MYO1A: variants seen among roughly 807,000 people sequenced by gnomAD.
The protein encoded by MYO1A is myosin IA.
In MYO1A, 127 loss-of-function variants were observed where a neutral mutation model predicts 138.5. That is an observed-to-expected ratio of 0.92 (90% CI 0.79 to 1.06). MYO1A has a LOEUF of 1.06. Ranked by LOEUF, MYO1A falls within the 50% of genes least tolerant of loss-of-function variation. MYO1A has a pLI of 0.00. For missense variants in MYO1A, 1,211 were observed against 1,288.8 expected (o/e 0.94, Z 0.92); for synonymous variants, 477 against 497.5 (o/e 0.96, Z 0.55).
At chr12:57,037,157 A>T in intron 19 of MYO1A, 66 bp from the exon 20 acceptor site, 1 of 1,590,534 alleles carries the variant, frequency 6.3e-7, no homozygotes, top group Non-Finnish European at 8.6e-7. Context: ...CCTCTCCTAT[A>T]CCCCACAGTA....
At chr12:57,044,084 C>G in intron 9 of MYO1A, 22 bp downstream of exon 9, 1 of 1,614,178 alleles carries the variant, frequency 6.2e-7, no homozygotes, top group Non-Finnish European at 8.5e-7. Flanking sequence ...GGGCCCAAGC[C>G]TGCCTCACCC....
chr12:57,036,710 C>G, intron 21 of MYO1A, 62 bp downstream of exon 21: 1 of 1,583,530 alleles, frequency 6.3e-7, no homozygotes, highest in Admixed American at 1.7e-5. Context: ...GCTGCTCTAG[C>G]CAGCAGGTGA....
chr12:57,037,418 A>G, intron 19 of MYO1A, 130 bp downstream of exon 19: 1 of 908,674 alleles, frequency 1.1e-6, no homozygotes, highest in South Asian at 1.3e-5. Context: ...GTTCCTGCAG[A>G]CAGGAAGCTT....
At chr12:57,037,219 T>G in intron 19 of MYO1A, 128 bp from the exon 20 acceptor site, 1 of 1,203,916 alleles carries the variant, frequency 8.3e-7, no homozygotes. Flanking sequence ...CTTCTTAGTT[T>G]GCTCATTTAT....
Position 57,046,886 on chromosome 12 carries a change from G to A in MYO1A, c.518C>T (p.Pro173Leu), listed in dbSNP as rs952376157. The A allele has an allele frequency of 6.2e-7, 1 of 1,614,132 alleles. No individual in the cohort carries two copies. The highest frequency in any genetic ancestry group is 8.5e-7 in the Non-Finnish European group (1 of 1,180,014). The change falls in exon 7 of 28, where the codon CCC (proline) becomes CTC (leucine). Residue 173 changes from proline (P) to leucine (L), a missense_variant. By Grantham distance (98) the Pro-to-Leu change is moderately conservative (BLOSUM62 -3). Coordinates refer to ENST00000300119, the MANE Select transcript of MYO1A (RefSeq NM_005379.4). ...ACAGTTTGTGATGACACCACCGAGGGGGGATCCCTTGAAGTCAAATTCAAT... is the reference window on the plus strand; with the variant it reads ...ACAGTTTGTGATGACACCACCGAGGAGGGATCCCTTGAAGTCAAATTCAAT... Reference protein sequence around the residue: ...MDIEFDFKGSPLGGVITNYLL... With the variant: ...MDIEFDFKGSLLGGVITNYLL...
intron 1 of MYO1A, among the ~76,000 whole-genome samples, chr12:57,049,130 A>G (rs2136462196): frequency 6.6e-6 from 1 of 152,348 alleles, no homozygotes; most frequent in African/African-American, 2.4e-5. Flanking sequence ...TTTGCCCCAG[A>G]GGGACACACC....
At chr12:57,048,401 T>A in intron 1 of MYO1A, 58 bp from the exon 2 acceptor site, 1 of 1,016,480 alleles carries the variant, frequency 9.8e-7, no homozygotes, top group Non-Finnish European at 1.5e-6. Context: ...CCAGTAACTG[T>A]TTGAGGGGAG....
chr12:57,049,420 CG>C (rs2031258392), intron 1 of MYO1A, among the ~76,000 whole-genome samples: 1 of 152,212 alleles, frequency 6.6e-6, no homozygotes, highest in Non-Finnish European at 1.5e-5. Flanking sequence ...GAAGGAGGAA[CG>C]GAAGTGGGGC....
chr12:57,046,038 T>A (rs1318262601), intron 8 of MYO1A, among the ~76,000 whole-genome samples: 1 of 151,366 alleles, frequency 6.6e-6, no homozygotes, highest in East Asian at 1.9e-4. Context: ...AGATGTTGAA[T>A]GAATGAATAA....
In MYO1A at chr12:57,028,847, C is replaced by T; in HGVS notation, c.3040G>A (p.Val1014Ile). ...CCTGCAGGGCCCTGGACGACCTTGA[C>T]AGCCACACTGTTCTCCTTGAACCTC... ...SVRFKENSVA[V>I]KVVQGPAGGD... The change falls in exon 28 of 28, where the codon GTC (valine) becomes ATC (isoleucine). Residue 1014 changes from valine to isoleucine, a missense_variant. Coordinates refer to ENST00000300119, the MANE Select transcript of MYO1A (RefSeq NM_005379.4). 3 of 1,614,088 alleles carry T rather than the reference C, an allele frequency of 1.9e-6. No individual in the cohort carries two copies. Among genetic ancestry groups the T allele is most frequent in the Non-Finnish European group, 2.5e-6 (3 of 1,180,006 alleles).
chr12:57,038,380 G>A, intron 17 of MYO1A, 32 bp downstream of exon 17: 1 of 1,605,712 alleles, frequency 6.2e-7, no homozygotes, highest in Non-Finnish European at 8.5e-7. Flanking sequence ...CATCACATAT[G>A]TAGCATGTTC....
Position 57,029,209 on chromosome 12 carries a change from C to T in MYO1A, c.2928G>A (p.Val976=), listed in dbSNP as rs2030133543. The part of the protein sequence containing the change: ...KGDFLLVSEH[V]IELLTKMYRA... ...GGTACATTTTGGTCAGCAGTTCAAT[C>T]ACATGCTCGCTGACCAGCAGGAAGT... is the stretch of plus-strand genomic sequence containing the variant. The change falls in exon 27 of 28, where the codon GTG becomes GTA. Residue 976 remains valine (V), a synonymous_variant. Transcript: ENST00000300119. The T allele has an allele frequency of 6.2e-7, 1 of 1,614,056 alleles. No individual in the cohort carries two copies. The highest frequency in any genetic ancestry group is 8.5e-7 in the Non-Finnish European group (1 of 1,180,036).
intron 22 of MYO1A, among the ~76,000 whole-genome samples, chr12:57,035,991 G>A (rs1379679747): frequency 6.6e-6 from 1 of 152,194 alleles, no homozygotes; most frequent in Admixed American, 6.5e-5. Flanking sequence ...TTCAACAGTT[G>A]TTAAACATCC....
intron 22 of MYO1A, among the ~76,000 whole-genome samples, chr12:57,034,666 T>G (rs982213166): frequency 1.3e-5 from 2 of 149,816 alleles, no homozygotes; most frequent in African/African-American, 5.0e-5. Context: ...GAGAGCAAGA[T>G]TCCATCTCAA....
In MYO1A at chr12:57,039,030, A is replaced by C. The variant is rs753331172; in HGVS notation, c.1333-21T>G. 2.7e-5 allele frequency: 44 copies of C among 1,609,104 alleles called. No homozygotes were observed. The South Asian group carries it at 3.2e-4, about 12-fold the overall frequency. ...TGATTCTGGGCCGGGGGAACAAAAG[A>C]AGCCCAACCTAAATCTGGTCCTCCG... On this transcript the variant is annotated intron_variant, in intron 15 of 27. Coordinates refer to ENST00000300119, the MANE Select transcript of MYO1A (RefSeq NM_005379.4).
In MYO1A at chr12:57,048,124, G is replaced by T. The variant is rs748770589; in HGVS notation, c.115-20C>A. On this transcript the variant is annotated intron_variant, in intron 2 of 27. Coordinates refer to ENST00000300119, the MANE Select transcript of MYO1A (RefSeq NM_005379.4). The stretch of plus-strand genomic sequence containing the variant: ...GTAGGTCTGGAGCCAGGAAGAAGGT[G>T]AAGGGAATGAGCTTGAGGGTGAGGT... 5 of 1,608,934 alleles carry T rather than the reference G, an allele frequency of 3.1e-6. No individual in the cohort carries two copies. The highest frequency in any genetic ancestry group is 4.3e-6 in the Non-Finnish European group (5 of 1,175,212).
intron 11 of MYO1A, 35 bp downstream of exon 11, chr12:57,043,205 C>T (rs369847897): frequency 3.0e-5 from 49 of 1,613,726 alleles, no homozygotes; most frequent in African/African-American, 2.0e-4. Context: ...AGAACAGGGT[C>T]GAAACAGCCC....
Position 57,046,871 on chromosome 12 carries a change from A to G in MYO1A, c.533T>C (p.Ile178Thr), listed in dbSNP as rs746649420. Residue 178 changes from isoleucine to threonine, a missense_variant, in exon 7 of 28, where the codon ATC becomes ACC. Transcript: ENST00000300119. ...ATTGGGGAGACACGTACAGTTTGTG[A>G]TGACACCACCGAGGGGGGATCCCTT... The part of the protein sequence containing the change: ...DFKGSPLGGV[I>T]TNYLLEKSRL... 28 of 1,613,924 alleles carry G rather than the reference A, an allele frequency of 1.7e-5. No homozygotes were observed. The Admixed American group carries it at 4.3e-4, about 25-fold the overall frequency.
chr12:57,044,306 C>T (rs2030999880), intron 8 of MYO1A, 97 bp from the exon 9 acceptor site: 1 of 946,112 alleles, frequency 1.1e-6, no homozygotes, highest in African/African-American at 1.6e-5. Context: ...TGGATTCATT[C>T]ACTTATCCAA....
Sources: allele counts gnomAD v4.1 joint callset (sites outside exome capture counted in the v4.1 genomes callset), GRCh38; gene constraint gnomAD v4.1.1; transcripts MANE v1.5; gene names NCBI Gene and HGNC (gene_info 2026-07-23, HGNC 2026-07-21).